Variants in TAF1B observed in about 807,000 individuals in gnomAD.
TAF1B encodes the protein TATA-box binding protein associated factor, RNA polymerase I subunit B, also known as TATA box-binding protein-associated factor RNA polymerase I subunit B.
A neutral mutation model predicts 83.9 loss-of-function variants in TAF1B; 61 were observed. The ratio of observed to expected loss-of-function variants is 0.73; its 90% CI spans 0.59 to 0.90. The LOEUF (loss-of-function observed/expected upper bound fraction) is 0.90. Ranked by LOEUF, TAF1B falls within the 40% of genes least tolerant of loss-of-function variation. The pLI is 0.00. For missense variants in TAF1B, 625 were observed against 677.0 expected (o/e 0.92, Z 0.85); for synonymous variants, 221 against 224.6 (o/e 0.98, Z 0.14).
intron 5 of TAF1B, among the ~76,000 whole-genome samples, chr2:9,863,483 C>T (rs1253232568): frequency 6.6e-6 from 1 of 152,046 alleles, no homozygotes; most frequent in Non-Finnish European, 1.5e-5. Context: ...CTTAGACTCC[C>T]ACACAATAAT....
chr2:9,851,448 G>T, intron 3 of TAF1B, 93 bp from the exon 4 acceptor site: 1 of 967,344 alleles, frequency 1.0e-6, no homozygotes, highest in Non-Finnish European at 1.5e-6. Context: ...AAAAATTCAA[G>T]TCGCAATGTG....
intron 8 of TAF1B, among the ~76,000 whole-genome samples, chr2:9,902,133 A>T (rs1465694313): frequency 6.6e-6 from 1 of 152,150 alleles, no homozygotes; most frequent in African/African-American, 2.4e-5. Flanking sequence ...TTAACAGTGT[A>T]ATTGTCTCCG....
chr2:9,885,287 A>C (rs971077773), intron 8 of TAF1B, among the ~76,000 whole-genome samples: 1 of 152,226 alleles, frequency 6.6e-6, no homozygotes, highest in Non-Finnish European at 1.5e-5. Flanking sequence ...ACTGTTTATC[A>C]TGCAGAGGTT....
chr2:9,874,804 G>A (rs935139204), intron 6 of TAF1B, among the ~76,000 whole-genome samples: 2 of 152,032 alleles, frequency 1.3e-5, no homozygotes, highest in East Asian at 1.9e-4. Context: ...GCTAAGTTTT[G>A]GAGTTTTGGA....
At chr2:9,874,783 G>A (rs1664270550) in intron 6 of TAF1B, among the ~76,000 whole-genome samples, 1 of 152,160 alleles carries the variant, frequency 6.6e-6, no homozygotes. Flanking sequence ...ATAGAAGAAG[G>A]TGCTGCTCTA....
At chr2:9,915,361 A>G (rs755199233) in intron 12 of TAF1B, among the ~76,000 whole-genome samples, 7 of 152,220 alleles carry the variant, frequency 4.6e-5, no homozygotes, top group Non-Finnish European at 8.8e-5. Flanking sequence ...AACGAATAAG[A>G]AGCTACAGAC....
intron 4 of TAF1B, among the ~76,000 whole-genome samples, chr2:9,854,096 G>T (rs930679143): frequency 1.3e-5 from 2 of 152,142 alleles, no homozygotes; most frequent in Non-Finnish European, 2.9e-5. Context: ...AGAACTACTG[G>T]TTCAACATAC....
intron 14 of TAF1B, among the ~76,000 whole-genome samples, chr2:9,926,598 G>T (rs1408708751): frequency 1.3e-5 from 2 of 152,178 alleles, no homozygotes; most frequent in Non-Finnish European, 2.9e-5. Flanking sequence ...CAACACTTTG[G>T]GAGGCTGAGG....
At chr2:9,852,731 A>G (rs549693339) in intron 4 of TAF1B, among the ~76,000 whole-genome samples, 3 of 152,288 alleles carry the variant, frequency 2.0e-5, no homozygotes, top group African/African-American at 7.2e-5. Flanking sequence ...AGCTCAGGCA[A>G]TCTGCCCATC....
intron 6 of TAF1B, among the ~76,000 whole-genome samples, chr2:9,870,695 A>G (rs1279659834): frequency 6.6e-6 from 1 of 152,178 alleles, no homozygotes; most frequent in African/African-American, 2.4e-5. Context: ...AGTCCCCAGT[A>G]CATGCATGTG....
intron 14 of TAF1B, among the ~76,000 whole-genome samples, chr2:9,920,568 G>A (rs139519161): frequency 2.0e-3 from 249 of 124,138 alleles, no homozygotes; most frequent in African/African-American, 7.0e-3. Context: ...TATGGCGTCT[G>A]TAGACTGGGG....
At chr2:9,849,326 G>A (rs776719599) in intron 2 of TAF1B, 47 bp from the exon 3 acceptor site, 3 of 1,399,188 alleles carry the variant, frequency 2.1e-6, no homozygotes, top group East Asian at 4.9e-5. Context: ...AATGCTTAGG[G>A]GGATGTAAAA....
chr2:9,906,398 A>G (rs1328357117), intron 9 of TAF1B, among the ~76,000 whole-genome samples: 2 of 152,206 alleles, frequency 1.3e-5, no homozygotes, highest in Non-Finnish European at 2.9e-5. Context: ...GCAGTATTAT[A>G]AAAAATGGAG....
At chr2:9,892,144 C>G (rs1664889551) in intron 8 of TAF1B, among the ~76,000 whole-genome samples, 1 of 152,190 alleles carries the variant, frequency 6.6e-6, no homozygotes, top group Admixed American at 6.5e-5. Flanking sequence ...TGTACCTTTT[C>G]TATGTGTAGA....
intron 5 of TAF1B, among the ~76,000 whole-genome samples, chr2:9,866,248 CAA>C (rs1663972093): frequency 6.6e-6 from 1 of 151,814 alleles, no homozygotes; most frequent in Admixed American, 6.6e-5. Context: ...AGGAAAAAAA[CAA>C]ACAACCCCAT....
At chr2:9,851,014 G>A (rs1239302726) in intron 3 of TAF1B, among the ~76,000 whole-genome samples, 1 of 152,018 alleles carries the variant, frequency 6.6e-6, no homozygotes, top group African/African-American at 2.4e-5. Flanking sequence ...TCTATACTCC[G>A]GTATCATGAG....
Position 9,920,582 on chromosome 2 carries a change from G to GGGGT in TAF1B, c.1565+765_1565+766insTGGG, listed in dbSNP as rs1242023687. Among the ~76,000 whole-genome samples, 457 of 118,734 alleles carry GGGGT rather than the reference G, an allele frequency of 3.8e-3. 5 individuals are homozygous for GGGGT. The highest frequency in any genetic ancestry group is 0.013 in the African/African-American group (393 of 30,838). 77.9% of individuals were successfully genotyped at this position (118,734 alleles called of 152,430 possible). On this transcript the variant is annotated intron_variant, in intron 14 of 14. Transcript: ENST00000263663. ...GTATGGCGTCTGTAGACTGGGGCGG[G>GGGGT]GGGCGGGGGGTCCATTTGCCCCTCA...
chr2:9,933,764 T>G lies in TAF1B; in HGVS notation c.1566-19T>G. ...GGTTACCATCTAAAGATAAATTCTT[T>G]TTTCTTTTTCCCTTCTAGCTATTGT... On this transcript the variant is annotated intron_variant, in intron 14 of 14. Coordinates refer to ENST00000263663, the MANE Select transcript of TAF1B (RefSeq NM_005680.3). 1 of 1,590,170 alleles carries G rather than the reference T, an allele frequency of 6.3e-7. No individual in the cohort carries two copies. The highest frequency in any genetic ancestry group is 8.6e-7 in the Non-Finnish European group (1 of 1,167,808).
At chr2:9,907,523 C>T (rs1318565345) in intron 9 of TAF1B, among the ~76,000 whole-genome samples, 1 of 151,992 alleles carries the variant, frequency 6.6e-6, no homozygotes, top group Non-Finnish European at 1.5e-5. Flanking sequence ...GACCAGGTAG[C>T]CTCTGGGGCT....
Sources: allele counts gnomAD v4.1 joint callset (sites outside exome capture counted in the v4.1 genomes callset), GRCh38; gene constraint gnomAD v4.1.1; transcripts MANE v1.5; gene names NCBI Gene and HGNC (gene_info 2026-07-23, HGNC 2026-07-21).